Variants in FADS1 observed in about 807,000 individuals in gnomAD.
FADS1 encodes the protein acyl-CoA (8-3)-desaturase.
In FADS1, 17 loss-of-function variants were observed where a neutral mutation model predicts 61.6. That is an observed-to-expected ratio of 0.28 (90% CI 0.19 to 0.41). The LOEUF (loss-of-function observed/expected upper bound fraction) is 0.41. Ranked by LOEUF, FADS1 falls within the 10% of genes least tolerant of loss-of-function variation. The pLI is 1.00. For synonymous variants in FADS1, 238 were observed against 258.7 expected (o/e 0.92, Z 0.77); for missense variants, 387 against 650.9 (o/e 0.59, Z 4.41).
rs903560512 is a variant in FADS1 at position 61,816,502 on chromosome 11, G to C, written c.375+53C>G. On this transcript the variant is annotated intron_variant, in intron 1 of 11. Coordinates refer to ENST00000350997, the MANE Select transcript of FADS1 (RefSeq NM_013402.7). This position sits in a 1 kb window ranked among gnomAD's most constrained non-coding sequence, Gnocchi z 7.0. ...CGGAGTGCGTAACTCTGTCTCCCCT[G>C]CACTCAGCCTCCGGTCCCGCCCTCT... The C allele has an allele frequency of 9.5e-5, 152 of 1,599,672 alleles. No homozygotes were observed. Among genetic ancestry groups the C allele is most frequent in the Non-Finnish European group, 1.3e-4 (148 of 1,176,626 alleles).
chr11:61,816,780 C>A lies in FADS1; in HGVS notation c.150G>T (p.Ala50=). The change falls in exon 1 of 12, where the codon GCG becomes GCT. Residue 50 remains alanine (A), a synonymous_variant. Transcript: ENST00000350997. This position sits in a 1 kb window ranked among gnomAD's most constrained non-coding sequence, Gnocchi z 7.0. ...STRLTAPAGP[A]RGVARPAMAP... Reference sequence around the variant, plus strand: ...CCATAGCTGGCCTGGCGACGCCGCGCGCCGGGCCAGCAGGGGCTGTCAGGC... The same window carrying A: ...CCATAGCTGGCCTGGCGACGCCGCGAGCCGGGCCAGCAGGGGCTGTCAGGC... 1 of 1,519,742 alleles carries A rather than the reference C, an allele frequency of 6.6e-7. No homozygotes were observed. Among genetic ancestry groups the A allele is most frequent in the Non-Finnish European group, 8.8e-7 (1 of 1,139,444 alleles). 94.1% of individuals were successfully genotyped at this position (1,519,742 alleles called of 1,614,324 possible).
Position 61,803,551 on chromosome 11 carries a change from C to T in FADS1, c.1152-92G>A, listed in dbSNP as rs566945920. On this transcript the variant is annotated intron_variant, in intron 8 of 11. Transcript: ENST00000350997. This position sits in a 1 kb window ranked among gnomAD's most constrained non-coding sequence, Gnocchi z 4.3. Reference sequence around the variant, plus strand: ...ATAACTGCTCCAGCCTGTCTACTTTCCCAAGCCAACTCCTGAAACACCCAC... The same window carrying T: ...ATAACTGCTCCAGCCTGTCTACTTTTCCAAGCCAACTCCTGAAACACCCAC... The T allele has an allele frequency of 5.1e-6, 7 of 1,376,852 alleles. No homozygotes were observed. Among genetic ancestry groups the T allele is most frequent in the African/African-American group, 1.4e-5 (1 of 70,394 alleles). 85.3% of individuals were successfully genotyped at this position (1,376,852 alleles called of 1,614,324 possible). A position where few individuals can be genotyped will look rare whatever the true frequency, so the allele number is the denominator to read the frequency against.
intron 5 of FADS1, 81 bp downstream of exon 5, chr11:61,810,670 A>G (rs2066925126): frequency 1.3e-6 from 2 of 1,541,870 alleles, no homozygotes; most frequent in Admixed American, 3.4e-5. Flanking sequence ...CACACTGACA[A>G]CATCGTGGGC....
Position 61,802,345 on chromosome 11 carries a change from A to G in FADS1, c.*66T>C. The G allele has an allele frequency of 2.1e-6, 3 of 1,399,226 alleles. No individual in the cohort carries two copies. Among genetic ancestry groups the G allele is most frequent in the Non-Finnish European group, 3.0e-6 (3 of 1,007,974 alleles). The allele number at this position is 1,399,226 out of a possible 1,614,324, so 86.7% of individuals were successfully genotyped here. ...TAAACTATAGTGGCATTGTCCCTCA[A>G]GCTCCCCTCTGCCTTGGCTCCAGAG... is the stretch of plus-strand genomic sequence containing the variant. On this transcript the variant is annotated 3_prime_UTR_variant, in exon 12 of 12. Coordinates refer to ENST00000350997, the MANE Select transcript of FADS1 (RefSeq NM_013402.7). The surrounding 1 kb of genome is among the most constrained non-coding windows in gnomAD (Gnocchi z 4.2).
In FADS1 at chr11:61,801,347, C is replaced by T. The variant is rs111305555; in HGVS notation, c.*1064G>A. 3 of 152,436 alleles carry T rather than the reference C, an allele frequency of 2.0e-5. No individual in the cohort carries two copies. The highest frequency in any genetic ancestry group is 7.2e-5 in the African/African-American group (3 of 41,556). The allele number at this position is 152,436 out of a possible 1,614,324, so 9.4% of individuals were successfully genotyped here. ...CCCCTTTGTTTCTAGGGAGAAAAGA[C>T]TAACTTGTCCCATCTGCTCACTTGC... On this transcript the variant is annotated 3_prime_UTR_variant, in exon 12 of 12. Transcript: ENST00000350997.
At position 61,801,882 on chromosome 11, in the gene FADS1, A is replaced by ATT. The variant is rs34397549; in HGVS notation, c.*527_*528dup. Reference sequence around the variant, plus strand: ...CTGAGCTCACCTTTTATATGAGTGGATTTTTTTTTTTTTTTTGAAATGGAG... The same window carrying ATT: ...CTGAGCTCACCTTTTATATGAGTGGATTTTTTTTTTTTTTTTTTGAAATGGAG... On this transcript the variant is annotated 3_prime_UTR_variant, in exon 12 of 12. Coordinates refer to ENST00000350997, the MANE Select transcript of FADS1 (RefSeq NM_013402.7). The ATT allele has an allele frequency of 6.9e-3, 984 of 143,600 alleles. 4 individuals are homozygous for ATT. Among genetic ancestry groups the ATT allele is most frequent in the South Asian group, 0.012 (56 of 4,492 alleles). 8.9% of individuals were successfully genotyped at this position (143,600 alleles called of 1,614,324 possible).
At chr11:61,812,089 G>A in intron 3 of FADS1, 1 of 320,694 alleles carries the variant, frequency 3.1e-6, no homozygotes, top group Non-Finnish European at 6.1e-6. Context: ...CTTGCCAAAT[G>A]GGTCCTGACA....
rs1305058974 is a variant in FADS1 at position 61,803,861 on chromosome 11, G to C, written c.1054-94C>G. On this transcript the variant is annotated intron_variant, in intron 7 of 11. Transcript: ENST00000350997. The surrounding 1 kb of genome is among the most constrained non-coding windows in gnomAD (Gnocchi z 4.3). ...GTTTGCATGGTGCAGCCATTCTCCT[G>C]GTTATCCAGACTCACTCATCTTCAG... 1.1e-6 allele frequency: 1 copy of C among 930,486 alleles called. No homozygotes were observed. Among genetic ancestry groups the C allele is most frequent in the Admixed American group, 1.9e-5 (1 of 51,786 alleles). 57.6% of individuals were successfully genotyped at this position (930,486 alleles called of 1,614,324 possible).
In FADS1 at chr11:61,802,902, G is replaced by A; in HGVS notation, c.1353C>T (p.His451=). The change falls in exon 11 of 12, where the codon CAC becomes CAT. Residue 451 remains histidine, a synonymous_variant. Coordinates refer to ENST00000350997, the MANE Select transcript of FADS1 (RefSeq NM_013402.7). This position sits in a 1 kb window ranked among gnomAD's most constrained non-coding sequence, Gnocchi z 4.2. ...CCAGGGGAGCCACTTTGTGGTAATT[G>A]TGTCGAGGCATCGTGGGAAAAAGAC... The part of the protein sequence containing the change: ...EHHLFPTMPR[H]NYHKVAPLVQ... 6.2e-7 allele frequency: 1 copy of A among 1,614,046 alleles called. No individual in the cohort carries two copies. The highest frequency in any genetic ancestry group is 8.5e-7 in the Non-Finnish European group (1 of 1,179,916).
rs1299982809 is a variant in FADS1, at chr11:61,803,548, T to C, written c.1152-89A>G. On this transcript the variant is annotated intron_variant, in intron 8 of 11. Coordinates refer to ENST00000350997, the MANE Select transcript of FADS1 (RefSeq NM_013402.7). This position sits in a 1 kb window ranked among gnomAD's most constrained non-coding sequence, Gnocchi z 4.3. ...CAGATAACTGCTCCAGCCTGTCTAC[T>C]TTCCCAAGCCAACTCCTGAAACACC... The C allele has an allele frequency of 2.1e-6, 3 of 1,396,112 alleles. No individual in the cohort carries two copies. The highest frequency in any genetic ancestry group is 2.8e-5 in the African/African-American group (2 of 70,602). The allele number at this position is 1,396,112 out of a possible 1,614,324, so 86.5% of individuals were successfully genotyped here.
chr11:61,804,476 C>T (rs1413914389), intron 7 of FADS1: 1 of 546,174 alleles, frequency 1.8e-6, no homozygotes, highest in East Asian at 3.0e-5. Context: ...GAGACACTGA[C>T]CGCATGAAAT....
At position 61,813,240 on chromosome 11, in the gene FADS1, T is replaced by C; in HGVS notation, c.486+3A>G. The C allele has an allele frequency of 1.3e-6, 2 of 1,575,066 alleles. No individual in the cohort carries two copies. Among genetic ancestry groups the C allele is most frequent in the Non-Finnish European group, 1.7e-6 (2 of 1,145,090 alleles). On this transcript the variant is annotated splice_donor_region_variant and intron_variant, in intron 2 of 11. Transcript: ENST00000350997. ...TTGCGACATAGCAAACACAGGGTCTTACATTCTTGGTGGGCTCAAAGCTGG... is the reference window on the plus strand; with the variant it reads ...TTGCGACATAGCAAACACAGGGTCTCACATTCTTGGTGGGCTCAAAGCTGG...
At position 61,803,773 on chromosome 11, in the gene FADS1, G is replaced by A; in HGVS notation, c.1054-6C>T. ...GTAATCATCCAGGCCAAGTCCTATA[G>A]TGAGAAAAGCAGCGAGCATAACAGT... On this transcript the variant is annotated splice_polypyrimidine_tract_variant and splice_region_variant and intron_variant, in intron 7 of 11. Transcript: ENST00000350997. The surrounding 1 kb of genome is among the most constrained non-coding windows in gnomAD (Gnocchi z 4.3). 1 of 1,608,442 alleles carries A rather than the reference G, an allele frequency of 6.2e-7. No individual in the cohort carries two copies. Among genetic ancestry groups the A allele is most frequent in the South Asian group, 1.1e-5 (1 of 90,944 alleles).
chr11:61,812,752 C>A, intron 2 of FADS1, 84 bp from the exon 3 acceptor site: 1 of 1,254,354 alleles, frequency 8.0e-7, no homozygotes, highest in Non-Finnish European at 1.1e-6. Flanking sequence ...GGCTCAAGGA[C>A]CTCCCACTGA....
chr11:61,813,975 A>G (rs1355400687), intron 1 of FADS1, among the ~76,000 whole-genome samples: 1 of 151,152 alleles, frequency 6.6e-6, no homozygotes, highest in East Asian at 1.9e-4. Context: ...TCAAAAAAAA[A>G]AAAAAAAAAA....
intron 6 of FADS1, chr11:61,806,348 CAAAA>C (rs59417762): frequency 2.3e-3 from 354 of 156,124 alleles, no homozygotes; most frequent in South Asian, 5.3e-3. Flanking sequence ...GACTCCGTCT[CAAAA>C]AAAAAAAAAA....
intron 5 of FADS1, among the ~76,000 whole-genome samples, chr11:61,810,450 A>G (rs2066923412): frequency 6.6e-6 from 1 of 152,164 alleles, no homozygotes; most frequent in Admixed American, 6.5e-5. Context: ...CAGCACCTTC[A>G]AGGATAGGCT....
Position 61,812,453 on chromosome 11 carries a change from C to G in FADS1, c.684+18G>C, listed in dbSNP as rs529948807. ...ATGCTGAGCATTGCTGTGCACTTGA[C>G]AAGCCAAAGGCTCTCACCTGAACTG... On this transcript the variant is annotated intron_variant, in intron 3 of 11. Transcript: ENST00000350997. 1.6e-5 allele frequency: 25 copies of G among 1,612,588 alleles called. No individual in the cohort carries two copies. The highest frequency in any genetic ancestry group is 2.0e-5 in the Non-Finnish European group (23 of 1,179,356).
rs1241042240 is a variant in FADS1 at position 61,816,046 on chromosome 11, C to T, written c.375+509G>A. 6.9e-6 allele frequency: 4 copies of T among 578,902 alleles called. No homozygotes were observed. Among genetic ancestry groups the T allele is most frequent in the African/African-American group, 3.7e-5 (2 of 53,370 alleles). The allele number at this position is 578,902 out of a possible 1,614,324, so 35.9% of individuals were successfully genotyped here. ...AAGCTTCCCGTTTCAGCCCCATCCT[C>T]GAGAATGGGCTCCTTTCCTGCTCCC... On this transcript the variant is annotated intron_variant, in intron 1 of 11. Transcript: ENST00000350997. This position sits in a 1 kb window ranked among gnomAD's most constrained non-coding sequence, Gnocchi z 7.0.
Sources: gnomAD v4.1 joint callset for allele counts (sites outside exome capture counted in the v4.1 genomes callset) on GRCh38, gnomAD v4.1.1 for gene constraint, Gnocchi (gnomAD v3.1) non-coding constraint, MANE v1.5 for transcripts, NCBI Gene and HGNC (gene_info 2026-07-23, HGNC 2026-07-21) for gene names.